Variants in MACROD2 observed in about 807,000 individuals in gnomAD.
MACROD2 encodes ADP-ribose glycohydrolase MACROD2.
In MACROD2, 36 loss-of-function variants were observed where a neutral mutation model predicts 70.4. The ratio of observed to expected loss-of-function variants is 0.51; its 90% CI spans 0.39 to 0.68. The LOEUF (loss-of-function observed/expected upper bound fraction) is 0.68, where lower values mean the gene tolerates loss of function less well. Ranked by LOEUF, MACROD2 falls within the 30% of genes least tolerant of loss-of-function variation. MACROD2 has a pLI of 0.00. For synonymous variants in MACROD2, 172 were observed against 178.8 expected, an observed-to-expected ratio of 0.96 and a Z score of 0.30; for missense variants, 496 against 538.4, an observed-to-expected ratio of 0.92 and a Z score of 0.78.
At chr20:14,316,129 G>A (rs1336243024) in intron 3 of MACROD2, among the ~76,000 whole-genome samples, 1 of 152,164 alleles carries the variant, frequency 6.6e-6, no homozygotes, top group Non-Finnish European at 1.5e-5. Context: ...GATGCAATGG[G>A]ATCATGAGCA....
At position 14,950,460 on chromosome 20, in the gene MACROD2, G is replaced by A. The variant is rs533189452; in HGVS notation, c.418+265501G>A. 1.8e-4 allele frequency among the ~76,000 whole-genome samples: 28 copies of A among 152,274 alleles called. No individual in the cohort carries two copies. In the East Asian group the frequency reaches 3.5e-3, roughly 19 times the overall value. ...ATGGTGTCATGGGACTTGGCAGGAC[G>A]TAAACATAGGAATTCTAGAATATTT... On this transcript the variant is annotated intron_variant, in intron 5 of 17. Coordinates refer to ENST00000684519, the MANE Select transcript of MACROD2 (RefSeq NM_001351661.2).
In MACROD2 at chr20:14,757,576, A is replaced by G. The variant is rs528347975; in HGVS notation, c.418+72617A>G. On this transcript the variant is annotated intron_variant, in intron 5 of 17. Transcript: ENST00000684519. Reference sequence around the variant, plus strand: ...ACAGCCATCAAGATGTTGATGCCTAAGAAGAACCAGATTGCCATTTATGAC... The same window carrying G: ...ACAGCCATCAAGATGTTGATGCCTAGGAAGAACCAGATTGCCATTTATGAC... 1.0e-5 allele frequency: 11 copies of G among 1,060,026 alleles called. No homozygotes were observed. In the South Asian group the frequency reaches 1.5e-4, roughly 14 times the overall value. 65.7% of individuals were successfully genotyped at this position (1,060,026 alleles called of 1,614,324 possible).
intron 3 of MACROD2, among the ~76,000 whole-genome samples, chr20:14,280,644 G>T (rs1746548515): frequency 6.6e-6 from 1 of 152,158 alleles, no homozygotes; most frequent in Non-Finnish European, 1.5e-5. Flanking sequence ...TGTAAAGCTT[G>T]TGTGTTTGAT....
intron 8 of MACROD2, among the ~76,000 whole-genome samples, chr20:15,736,985 CAG>C (rs2051030830): frequency 6.6e-6 from 1 of 152,092 alleles, no homozygotes; most frequent in Non-Finnish European, 1.5e-5. Context: ...AGTAAATAAC[CAG>C]AGTTTTAATA....
intron 13 of MACROD2, among the ~76,000 whole-genome samples, chr20:15,973,125 G>T (rs560416901): frequency 6.6e-6 from 1 of 152,052 alleles, no homozygotes; most frequent in Middle Eastern, 3.2e-3. Flanking sequence ...GGGCTGCCTG[G>T]CTGGATGGTT....
chr20:15,763,331 G>A (rs2051468234), intron 8 of MACROD2, among the ~76,000 whole-genome samples: 1 of 152,150 alleles, frequency 6.6e-6, no homozygotes, highest in Non-Finnish European at 1.5e-5. Flanking sequence ...GTTGAATTGG[G>A]AAGTAACTTT....
chr20:14,813,553 A>G (rs1377547271), intron 5 of MACROD2, among the ~76,000 whole-genome samples: 1 of 152,066 alleles, frequency 6.6e-6, no homozygotes, highest in Non-Finnish European at 1.5e-5. Flanking sequence ...TTATGGCTGC[A>G]TAGTATTCCA....
At chr20:14,320,746 G>A (rs1601470908) in intron 3 of MACROD2, among the ~76,000 whole-genome samples, 1 of 149,738 alleles carries the variant, frequency 6.7e-6, no homozygotes, top group South Asian at 2.1e-4. Flanking sequence ...TCTTTACTGG[G>A]GCCTAATCAG....
chr20:14,557,171 C>T (rs565590151), intron 4 of MACROD2, among the ~76,000 whole-genome samples: 4 of 152,010 alleles, frequency 2.6e-5, no homozygotes, highest in Non-Finnish European at 4.4e-5. Flanking sequence ...TGGATATCCA[C>T]ATGCAAAAGA....
intron 6 of MACROD2, among the ~76,000 whole-genome samples, chr20:15,285,737 T>C (rs2077485066): frequency 3.3e-5 from 5 of 152,166 alleles, no homozygotes; most frequent in Admixed American, 3.3e-4. Flanking sequence ...CAAATAACTT[T>C]TATTTCGATG....
intron 5 of MACROD2, among the ~76,000 whole-genome samples, chr20:15,088,451 A>G (rs1400887696): frequency 1.1e-5 from 1 of 88,330 alleles, no homozygotes; most frequent in Admixed American, 1.3e-4. Context: ...ATATATATAT[A>G]ATATTTTGTG....
At chr20:15,188,365 G>A (rs539662517) in intron 5 of MACROD2, among the ~76,000 whole-genome samples, 18 of 152,256 alleles carry the variant, frequency 1.2e-4, no homozygotes, top group Admixed American at 3.3e-4. Flanking sequence ...CCATAATGGC[G>A]TGTGTTCAAA....
intron 5 of MACROD2, among the ~76,000 whole-genome samples, chr20:15,034,691 A>G (rs953689128): frequency 6.6e-6 from 1 of 152,204 alleles, no homozygotes; most frequent in Non-Finnish European, 1.5e-5. Flanking sequence ...AAAAATAAAT[A>G]CTCATAGGCA....
intron 10 of MACROD2, among the ~76,000 whole-genome samples, chr20:15,924,480 A>G (rs2065458840): frequency 6.6e-6 from 1 of 152,218 alleles, no homozygotes; most frequent in African/African-American, 2.4e-5. Flanking sequence ...ACATTTATTC[A>G]TATCTACATA....
At chr20:15,236,486 A>G (rs2077015025) in intron 6 of MACROD2, among the ~76,000 whole-genome samples, 1 of 152,202 alleles carries the variant, frequency 6.6e-6, no homozygotes, top group Admixed American at 6.5e-5. Context: ...TATAGTAATA[A>G]GAATAGCAAA....
intron 8 of MACROD2, among the ~76,000 whole-genome samples, chr20:15,696,860 C>T (rs1400810637): frequency 1.3e-5 from 2 of 151,694 alleles, no homozygotes; most frequent in Non-Finnish European, 2.9e-5. Flanking sequence ...ATAGTAGCCT[C>T]GAATAATCTT....
chr20:16,039,055 C>T (rs775133), intron 15 of MACROD2, among the ~76,000 whole-genome samples: 1 of 151,690 alleles, frequency 6.6e-6, no homozygotes, highest in African/African-American at 2.4e-5. Context: ...TGCTCCCTGC[C>T]CCTAGCCTCA....
rs116507223 is a variant in MACROD2, at chr20:15,527,182, A to G, written c.645+27335A>G. Among the ~76,000 whole-genome samples the G allele has an allele frequency of 3.8e-3, 578 of 152,250 alleles. 4 individuals carry two copies. The highest frequency in any genetic ancestry group is 0.013 in the African/African-American group (539 of 41,550). Reference sequence around the variant, plus strand: ...AGAGAAAATGAAATGAGCCCACCAGATATCAGTAAATATTTCTTACTGTTT... The same window carrying G: ...AGAGAAAATGAAATGAGCCCACCAGGTATCAGTAAATATTTCTTACTGTTT... On this transcript the variant is annotated intron_variant, in intron 8 of 17. Transcript: ENST00000684519.
At chr20:15,770,636 A>G (rs1160902624) in intron 8 of MACROD2, among the ~76,000 whole-genome samples, 3 of 152,172 alleles carry the variant, frequency 2.0e-5, no homozygotes. Context: ...GCTGCATAAC[A>G]GACCATCCTG....
Sources: gnomAD v4.1 joint callset for allele counts (sites outside exome capture counted in the v4.1 genomes callset) on GRCh38, gnomAD v4.1.1 for gene constraint, MANE v1.5 for transcripts, NCBI Gene and HGNC (gene_info 2026-07-23, HGNC 2026-07-21) for gene names.